The following A2ML1 variants were observed in gnomAD, a reference collection of about 807,000 sequenced individuals.
The protein encoded by A2ML1 is alpha-2-macroglobulin like 1, also known as alpha-2-macroglobulin-like protein 1.
In A2ML1, 161 loss-of-function variants were observed where a neutral mutation model predicts 181.9. The ratio of observed to expected loss-of-function variants is 0.89; its 90% confidence interval spans 0.78 to 1.01. A2ML1 has a LOEUF of 1.01. Ranked by LOEUF, A2ML1 falls within the 50% of genes least tolerant of loss-of-function variation. The pLI is 0.00. For missense variants in A2ML1, 1,670 were observed against 1,768.1 expected, an observed-to-expected ratio of 0.94 and a Z score of 1.00; for synonymous variants, 663 against 666.8, an observed-to-expected ratio of 0.99 and a Z score of 0.09.
chr12:8,829,881 G>C, intron 4 of A2ML1, 102 bp downstream of exon 4: 1 of 1,445,900 alleles, frequency 6.9e-7, no homozygotes, highest in Non-Finnish European at 9.6e-7. Flanking sequence ...GGCAAGGCGA[G>C]GCCCTCTGGG....
chr12:8,835,080 A>T (rs768478299), intron 5 of A2ML1: 1 of 287,950 alleles, frequency 3.5e-6, no homozygotes, highest in Non-Finnish European at 6.5e-6. Flanking sequence ...AGGCTCTAGA[A>T]GGTGATTTCT....
At chr12:8,858,308 T>C (rs1944141634) in intron 26 of A2ML1, 1 of 548,926 alleles carries the variant, frequency 1.8e-6, no homozygotes, top group East Asian at 3.2e-5. Context: ...GAAGCCTGGG[T>C]GCAGTGGCTC....
At chr12:8,881,553 C>T (rs983571494), downstream of A2ML1, among the ~76,000 whole-genome samples, 2 of 152,146 alleles carry the variant, frequency 1.3e-5, no homozygotes, top group African/African-American at 2.4e-5. Context: ...AATTTATATC[C>T]TGCTTTTAAG....
chr12:8,833,750 A>G (rs1446698956), intron 4 of A2ML1, among the ~76,000 whole-genome samples: 1 of 152,084 alleles, frequency 6.6e-6, no homozygotes, highest in Non-Finnish European at 1.5e-5. Flanking sequence ...ATTTATAGCA[A>G]TCTTAGTGAT....
Position 8,849,667 on chromosome 12 carries a change from A to G in A2ML1, c.2029-2A>G. 1 of 1,614,014 alleles carries G rather than the reference A, an allele frequency of 6.2e-7. No individual in the cohort carries two copies. Among genetic ancestry groups the G allele is most frequent in the Non-Finnish European group, 8.5e-7 (1 of 1,179,848 alleles). ...AATACTTATTTCTCTGATGCCTATC[A>G]GGACGTGGGCCTGAAAATACTGTCC... On this transcript the variant is annotated splice_acceptor_variant, in intron 16 of 35. Coordinates refer to ENST00000299698, the MANE Select transcript of A2ML1 (RefSeq NM_144670.6). LOFTEE classifies it high-confidence loss of function.
intron 28 of A2ML1, among the ~76,000 whole-genome samples, chr12:8,863,163 T>A (rs1189599277): frequency 1.3e-5 from 2 of 151,832 alleles, no homozygotes; most frequent in African/African-American, 2.4e-5. Context: ...TTGGAGTGCA[T>A]TGGCGTGATC....
intron 20 of A2ML1, among the ~76,000 whole-genome samples, chr12:8,853,891 T>C (rs1049328063): frequency 4.6e-5 from 7 of 152,182 alleles, no homozygotes; most frequent in African/African-American, 1.7e-4. Flanking sequence ...AATATCAGGA[T>C]GCAGGGATCT....
rs1181407644 is a variant in A2ML1, at chr12:8,847,672, CCAGA to C, written c.1812_1815del (p.Asp604GlufsTer3). The C allele has an allele frequency of 3.1e-6, 5 of 1,612,914 alleles. No homozygotes were observed. The African/African-American group carries it at 6.7e-5, about 22-fold the overall frequency. ...GGATGAGAGTGTCTTACTGCTTAGG[CCAGA>C]CAGAGAGCTGAGCAACCGCTCTGTG... On this transcript the variant is annotated frameshift_variant, in exon 15 of 36. Transcript: ENST00000299698. LOFTEE classifies it high-confidence loss of function.
intron 11 of A2ML1, among the ~76,000 whole-genome samples, chr12:8,842,546 C>T (rs921146977): frequency 2.6e-5 from 4 of 152,062 alleles, no homozygotes; most frequent in African/African-American, 9.7e-5. Flanking sequence ...CACCCCTTTC[C>T]CAACAAATCG....
rs1943915665 is a variant in A2ML1 at position 8,852,179 on chromosome 12, G to A, written c.2464-31G>A. 1 of 1,613,184 alleles carries A rather than the reference G, an allele frequency of 6.2e-7. No homozygotes were observed. The highest frequency in any genetic ancestry group is 1.1e-5 in the South Asian group (1 of 91,012). On this transcript the variant is annotated intron_variant, in intron 19 of 35. Coordinates refer to ENST00000299698, the MANE Select transcript of A2ML1 (RefSeq NM_144670.6). This position sits in a 1 kb window ranked among gnomAD's most constrained non-coding sequence, Gnocchi z 4.2. ...CCTCTATGCACTACCTCCTTTGTTT[G>A]TACCCTTTGTCTCTTAAACATCCTC... is the stretch of plus-strand genomic sequence containing the variant.
rs1416834708 is a variant in A2ML1 at position 8,868,527 on chromosome 12, C to G, written c.4062-10C>G. 6.2e-7 allele frequency: 1 copy of G among 1,613,206 alleles called. No homozygotes were observed. Among genetic ancestry groups the G allele is most frequent in the South Asian group, 1.1e-5 (1 of 90,950 alleles). On this transcript the variant is annotated splice_polypyrimidine_tract_variant and intron_variant, in intron 31 of 35. Coordinates refer to ENST00000299698, the MANE Select transcript of A2ML1 (RefSeq NM_144670.6). ...TAGGCTCACATGTGTTTTCTTCTTC[C>G]TGCTCTCAGTTATGTGGGGAGCCGT...
intron 23 of A2ML1, 149 bp downstream of exon 23, chr12:8,855,741 A>G: frequency 1.4e-6 from 1 of 694,106 alleles, no homozygotes; most frequent in Non-Finnish European, 2.4e-6. Context: ...ATAGGAGGGA[A>G]ATACAGTGTA....
intron 10 of A2ML1, among the ~76,000 whole-genome samples, 178 bp downstream of exon 10, chr12:8,839,400 T>C (rs1943393471): frequency 6.6e-6 from 1 of 152,210 alleles, no homozygotes; most frequent in African/African-American, 2.4e-5. Context: ...ATTTTATGGA[T>C]ACTGAGACAG....
intron 10 of A2ML1, among the ~76,000 whole-genome samples, chr12:8,839,473 C>T (rs888770819): frequency 6.6e-6 from 1 of 152,142 alleles, no homozygotes; most frequent in South Asian, 2.1e-4. Flanking sequence ...TGACCAAATC[C>T]AGGAAGCCTG....
At chr12:8,867,090 A>AG (rs1944448701) in intron 29 of A2ML1, among the ~76,000 whole-genome samples, 1 of 152,176 alleles carries the variant, frequency 6.6e-6, no homozygotes, top group Non-Finnish European at 1.5e-5. Flanking sequence ...GGACTTTCCT[A>AG]GGGTCCCTTA....
intron 33 of A2ML1, among the ~76,000 whole-genome samples, chr12:8,869,598 ATC>A (rs1944552705): frequency 6.6e-6 from 1 of 151,748 alleles, no homozygotes; most frequent in Non-Finnish European, 1.5e-5. Flanking sequence ...TCTGTACCAC[ATC>A]TTTGAAATCC....
At chr12:8,869,257 CT>C in intron 33 of A2ML1, 54 bp downstream of exon 33, 2 of 1,563,894 alleles carry the variant, frequency 1.3e-6, no homozygotes, top group Non-Finnish European at 1.8e-6. Context: ...ATCTTCATGA[CT>C]TCCCTTCTAA....
intron 33 of A2ML1, among the ~76,000 whole-genome samples, chr12:8,872,407 C>T (rs1944656544): frequency 6.6e-6 from 1 of 151,944 alleles, no homozygotes; most frequent in Non-Finnish European, 1.5e-5. Flanking sequence ...AAAACTGAGA[C>T]AATCTTAAAA....
intron 10 of A2ML1, 78 bp from the exon 11 acceptor site, chr12:8,841,290 CA>C: frequency 7.4e-7 from 1 of 1,347,058 alleles, no homozygotes; most frequent in African/African-American, 1.5e-5. Flanking sequence ...TAGTTTGCAC[CA>C]ACCTAATATT....
Sources: gnomAD v4.1 joint callset for allele counts (sites outside exome capture counted in the v4.1 genomes callset) on GRCh38, gnomAD v4.1.1 for gene constraint, Gnocchi (gnomAD v3.1) non-coding constraint, MANE v1.5 for transcripts, NCBI Gene and HGNC (gene_info 2026-07-23, HGNC 2026-07-21) for gene names.